ZC3H12B: variants seen among roughly 807,000 people sequenced by gnomAD.
ZC3H12B encodes the protein zinc finger CCCH-type containing 12B.
A neutral mutation model predicts 43.9 loss-of-function variants in ZC3H12B; 7 were observed. That is an observed-to-expected ratio of 0.16 (90% confidence interval 0.09 to 0.30). The LOEUF (loss-of-function observed/expected upper bound fraction) is 0.30. Ranked by LOEUF, ZC3H12B falls within the 10% of genes least tolerant of loss-of-function variation. The probability of loss-of-function intolerance (pLI) is 1.00; values close to 1 mark genes in which losing one functional copy is unlikely to be tolerated. For synonymous variants in ZC3H12B, 222 were observed against 241.7 expected (o/e 0.92, Z 0.76); for missense variants, 475 against 670.2 (o/e 0.71, Z 3.22).
the ZC3H12B span, among the ~76,000 whole-genome samples, chrX:65,192,081 G>A: frequency 9.1e-6 from 1 of 110,249 alleles, no homozygotes; most frequent in Non-Finnish European, 1.9e-5. Context: ...TGAGGAGCAG[G>A]TTGTTCAGTT....
chrX:65,139,378 T>C, the ZC3H12B span, among the ~76,000 whole-genome samples: 1 of 112,168 alleles, frequency 8.9e-6, no homozygotes, highest in Non-Finnish European at 1.9e-5. Context: ...CTGGTACCTT[T>C]ATGGGAAACT....
intron 3 of ZC3H12B, among the ~76,000 whole-genome samples, chrX:65,448,239 A>T (rs1240877478): frequency 9.0e-6 from 1 of 111,007 alleles, no homozygotes; most frequent in Non-Finnish European, 1.9e-5. Context: ...TGTCTCAAAA[A>T]AAAAAGATGT....
intron 2 of ZC3H12B, among the ~76,000 whole-genome samples, chrX:65,389,605 C>T (rs183169223): frequency 8.9e-6 from 1 of 112,870 alleles, no homozygotes; most frequent in East Asian, 2.8e-4. Flanking sequence ...ATGCCTCGCC[C>T]TTCCGCTCAT....
the ZC3H12B span, among the ~76,000 whole-genome samples, chrX:65,066,917 C>T: frequency 8.9e-6 from 1 of 111,796 alleles, no homozygotes; most frequent in Non-Finnish European, 1.9e-5. Flanking sequence ...GTCTGAACTT[C>T]CTGGTGGCTC....
At chrX:65,227,896 T>A in the ZC3H12B span, among the ~76,000 whole-genome samples, 1 of 111,393 alleles carries the variant, frequency 9.0e-6, no homozygotes, top group Non-Finnish European at 1.9e-5. Context: ...AATCAATAGC[T>A]TACCAACAAA....
chrX:65,048,104 A>C, the ZC3H12B span, among the ~76,000 whole-genome samples: 2 of 111,102 alleles, frequency 1.8e-5, no homozygotes, highest in Admixed American at 9.6e-5. Flanking sequence ...GGTTCTATCA[A>C]TTTGATTACT....
intron 3 of ZC3H12B, among the ~76,000 whole-genome samples, chrX:65,481,970 A>G (rs1433027912): frequency 9.0e-6 from 1 of 111,545 alleles, no homozygotes; most frequent in Non-Finnish European, 1.9e-5. Context: ...TCATGGCTGC[A>G]ATACTGCAGC....
At chrX:65,318,759 C>T in the ZC3H12B span, among the ~76,000 whole-genome samples, 307 of 110,849 alleles carry the variant, frequency 2.8e-3, 3 homozygotes, top group African/African-American at 9.6e-3. Flanking sequence ...TATTCATGTC[C>T]TTAGCCCACT....
intron 3 of ZC3H12B, among the ~76,000 whole-genome samples, chrX:65,440,057 T>C (rs1388568384): frequency 8.9e-6 from 1 of 112,410 alleles, no homozygotes; most frequent in African/African-American, 3.2e-5. Flanking sequence ...CAAATAATGC[T>C]AGATTCAACT....
At chrX:65,251,320 A>G in the ZC3H12B span, among the ~76,000 whole-genome samples, 2 of 111,758 alleles carry the variant, frequency 1.8e-5, no homozygotes, top group Non-Finnish European at 3.8e-5. Flanking sequence ...TACCAGTACC[A>G]TGCTGTTTTG....
chrX:65,226,665 C>G, the ZC3H12B span, among the ~76,000 whole-genome samples: 36 of 110,573 alleles, frequency 3.3e-4, no homozygotes, highest in African/African-American at 1.1e-3. Flanking sequence ...CACATAGACT[C>G]AAAATAAAAG....
upstream of ZC3H12B, chrX:65,366,491 T>C (rs2066177303): frequency 8.9e-6 from 1 of 112,586 alleles, no homozygotes; most frequent in South Asian, 3.7e-4. Flanking sequence ...AGTCAGACAA[T>C]CTTGAGGATT....
the ZC3H12B span, among the ~76,000 whole-genome samples, chrX:65,124,285 T>A: frequency 9.0e-6 from 1 of 111,301 alleles, no homozygotes; most frequent in Non-Finnish European, 1.9e-5. Flanking sequence ...ATTGGATGTA[T>A]CACATTTATT....
the ZC3H12B span, among the ~76,000 whole-genome samples, chrX:65,154,568 CTT>C: frequency 7.2e-3 from 807 of 112,345 alleles, 6 homozygotes; most frequent in African/African-American, 0.025. Context: ...AATGTGAACA[CTT>C]TTAAGATTTC....
intron 3 of ZC3H12B, among the ~76,000 whole-genome samples, chrX:65,442,409 T>C (rs2067313631): frequency 9.0e-6 from 1 of 111,333 alleles, no homozygotes; most frequent in South Asian, 3.9e-4. Flanking sequence ...AGGAAAGGTA[T>C]TGTTCTCCAC....
At chrX:65,310,234 T>A in the ZC3H12B span, among the ~76,000 whole-genome samples, 1 of 111,863 alleles carries the variant, frequency 8.9e-6, no homozygotes, top group South Asian at 3.7e-4. Context: ...ATGATGTGAT[T>A]GTATAATTTA....
At chrX:65,273,822 G>T in the ZC3H12B span, among the ~76,000 whole-genome samples, 3 of 112,354 alleles carry the variant, frequency 2.7e-5, no homozygotes, top group Non-Finnish European at 5.6e-5. Flanking sequence ...AAAAAAACTT[G>T]CCAAATATGG....
the ZC3H12B span, among the ~76,000 whole-genome samples, chrX:65,184,801 A>G: frequency 8.9e-6 from 1 of 111,738 alleles, no homozygotes; most frequent in Non-Finnish European, 1.9e-5. Context: ...TCTAAGGAGT[A>G]TAATCCTGAA....
At chrX:65,390,158 C>T (rs2066591859) in intron 2 of ZC3H12B, among the ~76,000 whole-genome samples, 1 of 109,995 alleles carries the variant, frequency 9.1e-6, no homozygotes, top group Non-Finnish European at 1.9e-5. Flanking sequence ...TTGCCAAGGA[C>T]AGAAAACCAA....
Sources: allele counts gnomAD v4.1 joint callset (sites outside exome capture counted in the v4.1 genomes callset), GRCh38; gene constraint gnomAD v4.1.1; transcripts MANE v1.5; gene names NCBI Gene and HGNC (gene_info 2026-07-23, HGNC 2026-07-21).